The following ULK2 variants were observed in gnomAD, a reference collection of about 807,000 sequenced individuals.
The protein encoded by ULK2 is unc-51 like autophagy activating kinase 2.
In ULK2, 76 loss-of-function variants were observed where a neutral mutation model predicts 127.5. The ratio of observed to expected loss-of-function variants is 0.60; its 90% CI spans 0.50 to 0.72. The LOEUF (loss-of-function observed/expected upper bound fraction) is 0.72, where lower values mean the gene tolerates loss of function less well. Ranked by LOEUF, ULK2 falls within the 30% of genes least tolerant of loss-of-function variation. The pLI is 0.00. For missense variants in ULK2, 1,144 were observed against 1,295.9 expected, an observed-to-expected ratio of 0.88 and a Z score of 1.80; for synonymous variants, 452 against 461.9, an observed-to-expected ratio of 0.98 and a Z score of 0.28.
chr17:19,795,761 G>C, intron 19 of ULK2, 36 bp from the exon 20 acceptor site: 3 of 1,587,674 alleles, frequency 1.9e-6, no homozygotes, highest in Non-Finnish European at 2.6e-6. Flanking sequence ...TAAAGGAAAA[G>C]TATACTTTTT....
chr17:19,828,111 T>A (rs566017521), intron 10 of ULK2, among the ~76,000 whole-genome samples: 31 of 152,054 alleles, frequency 2.0e-4, no homozygotes, highest in Non-Finnish European at 4.3e-4. Flanking sequence ...TGGGATATTA[T>A]CTAAAGTGCT....
At chr17:19,812,086 G>A (rs1211643471) in intron 13 of ULK2, among the ~76,000 whole-genome samples, 1 of 152,108 alleles carries the variant, frequency 6.6e-6, no homozygotes, top group Non-Finnish European at 1.5e-5. Flanking sequence ...TTAGCCAGCT[G>A]GAAAGCCCAG....
chr17:19,829,725 AC>A (rs2041389840), intron 10 of ULK2, among the ~76,000 whole-genome samples: 1 of 151,424 alleles, frequency 6.6e-6, no homozygotes, highest in Non-Finnish European at 1.5e-5. Flanking sequence ...AGTCCCAGCT[AC>A]TTGGGAGGCT....
chr17:19,850,998 C>T (rs528900976), intron 3 of ULK2, among the ~76,000 whole-genome samples: 8 of 151,652 alleles, frequency 5.3e-5, no homozygotes, highest in African/African-American at 1.9e-4. Context: ...AGGCAACACA[C>T]GGAGAATTCA....
chr17:19,841,115 A>G (rs1281621635), intron 9 of ULK2, among the ~76,000 whole-genome samples: 4 of 152,184 alleles, frequency 2.6e-5, no homozygotes, highest in Non-Finnish European at 4.4e-5. Context: ...ACACGTATAA[A>G]GAACACCCAA....
chr17:19,817,334 C>T (rs892634712), intron 12 of ULK2, among the ~76,000 whole-genome samples: 2 of 152,120 alleles, frequency 1.3e-5, no homozygotes, highest in African/African-American at 4.8e-5. Flanking sequence ...ACATCTTACA[C>T]ACACACGTTT....
chr17:19,834,711 C>T (rs935061232), intron 10 of ULK2, among the ~76,000 whole-genome samples: 1 of 151,918 alleles, frequency 6.6e-6, no homozygotes, highest in African/African-American at 2.4e-5. Flanking sequence ...CAGGAGTTGG[C>T]AACCAGCCTG....
Position 19,783,780 on chromosome 17 carries a change from C to T in ULK2, c.2377G>A (p.Val793Met), listed in dbSNP as rs149395777. The T allele has an allele frequency of 1.0e-5, 16 of 1,602,258 alleles. No homozygotes were observed. Among genetic ancestry groups the T allele is most frequent in the Admixed American group, 1.7e-5 (1 of 58,432 alleles). ...CTGGGGGGTGAAGCACCGTAAGGCA[C>T]GTATCTCAGGCTGGGAGCTGCCTCT... ...GAEAAPSLRY[V>M]PYGASPPSLE... Residue 793 changes from valine (V) to methionine (M), a missense_variant, in exon 22 of 27, where the codon GTG (valine) becomes ATG (methionine). Physicochemically the swap from Val to Met is conservative, Grantham distance 21. This residue lies in a region of ULK2 where 913 missense variants were observed against 970.5 expected (regional missense o/e 0.94). Coordinates refer to ENST00000395544, the MANE Select transcript of ULK2 (RefSeq NM_014683.4).
chr17:19,867,291 C>T, intron 1 of ULK2, 37 bp downstream of exon 1: 2 of 1,501,012 alleles, frequency 1.3e-6, no homozygotes, highest in South Asian at 1.3e-5. Context: ...CCCGTGCCTG[C>T]CGCCCGGGGC....
chr17:19,814,456 T>TTTTTGTTTTTTTG (rs1555557158), intron 13 of ULK2, among the ~76,000 whole-genome samples: 2 of 18,260 alleles, frequency 1.1e-4, no homozygotes, highest in Non-Finnish European at 2.2e-4. Context: ...TTTTTTTTTT[T>TTTTTGTTTTTTTG]TTTTTTTGGA....
intron 25 of ULK2, among the ~76,000 whole-genome samples, chr17:19,778,329 T>C (rs1463128186): frequency 2.0e-5 from 3 of 152,164 alleles, no homozygotes; most frequent in Non-Finnish European, 4.4e-5. Flanking sequence ...ACGGAATACA[T>C]AGGGGATGCC....
At chr17:19,795,865 T>C (rs1406405465) in intron 19 of ULK2, 140 bp from the exon 20 acceptor site, 3 of 942,500 alleles carry the variant, frequency 3.2e-6, no homozygotes, top group Admixed American at 2.7e-5. Context: ...ATAATACAAA[T>C]AAAGGACAGA....
intron 12 of ULK2, among the ~76,000 whole-genome samples, chr17:19,818,804 T>C (rs200035913): frequency 8.3e-5 from 11 of 133,208 alleles, no homozygotes; most frequent in Admixed American, 3.7e-4. Context: ...TTTCTTTTTT[T>C]TTTTTTTTTT....
chr17:19,866,892 T>G (rs552074634), intron 1 of ULK2, among the ~76,000 whole-genome samples: 63 of 152,286 alleles, frequency 4.1e-4, no homozygotes, highest in African/African-American at 1.5e-3. Context: ...TGCGAAAGCC[T>G]GAGGCTAATG....
chr17:19,852,581 T>C (rs549511062), intron 3 of ULK2, among the ~76,000 whole-genome samples: 1 of 151,822 alleles, frequency 6.6e-6, no homozygotes, highest in Admixed American at 6.6e-5. Flanking sequence ...ATTTAAAGTG[T>C]TTTTATACTG....
Position 19,814,603 on chromosome 17 carries a change from G to T in ULK2, c.1096+2146C>A, listed in dbSNP as rs1451789247. ...CTTTTTCTATTTTTGGTAAAGGTGG[G>T]GTCTTGCCATGATGCCCTGGCTGGT... On this transcript the variant is annotated intron_variant, in intron 13 of 26. Coordinates refer to ENST00000395544, the MANE Select transcript of ULK2 (RefSeq NM_014683.4). 4.6e-5 allele frequency among the ~76,000 whole-genome samples: 7 copies of T among 151,246 alleles called. No homozygotes were observed. In the East Asian group the frequency reaches 1.4e-3, roughly 29 times the overall value.
intron 13 of ULK2, among the ~76,000 whole-genome samples, chr17:19,814,223 G>C (rs370559439): frequency 1.3e-5 from 2 of 150,846 alleles, no homozygotes; most frequent in South Asian, 2.1e-4. Flanking sequence ...ATGAGTTACA[G>C]GTAAAATTAA....
intron 19 of ULK2, 145 bp from the exon 20 acceptor site, chr17:19,795,870 G>A (rs1467293439): frequency 1.1e-5 from 10 of 927,876 alleles, no homozygotes; most frequent in African/African-American, 1.7e-5. Flanking sequence ...ACAAATAAAG[G>A]ACAGAAATAG....
intron 10 of ULK2, among the ~76,000 whole-genome samples, chr17:19,832,848 C>A (rs1174475526): frequency 6.6e-6 from 1 of 152,170 alleles, no homozygotes; most frequent in Admixed American, 6.5e-5. Flanking sequence ...TCCGACCAGG[C>A]ATCGTGGCTC....
Sources: gnomAD v4.1 joint callset for allele counts (sites outside exome capture counted in the v4.1 genomes callset) on GRCh38, gnomAD v4.1.1 for gene constraint, gnomAD v4.1.1 regional missense constraint, MANE v1.5 for transcripts, NCBI Gene and HGNC (gene_info 2026-07-23, HGNC 2026-07-21) for gene names.